Variants in PRDM16 observed in about 807,000 individuals in gnomAD.
The protein encoded by PRDM16 is histone-lysine N-methyltransferase PRDM16.
PRDM16 carries 23 observed loss-of-function variants against 110.6 expected under a neutral mutation model. That is an observed-to-expected ratio of 0.21 (90% CI 0.15 to 0.29). PRDM16 has a LOEUF of 0.29. Ranked by LOEUF, PRDM16 falls within the 10% of genes least tolerant of loss-of-function variation. The probability of loss-of-function intolerance (pLI) is 1.00; values close to 1 mark genes in which losing one functional copy is unlikely to be tolerated. For missense variants in PRDM16, 1,615 were observed against 1,794.3 expected (o/e 0.90, Z 1.81); for synonymous variants, 799 against 781.8 (o/e 1.02, Z -0.37).
chr1:3,376,546 G>A (rs1317769942), intron 3 of PRDM16, among the ~76,000 whole-genome samples: 4 of 152,124 alleles, frequency 2.6e-5, no homozygotes, highest in Admixed American at 6.5e-5. Context: ...ACAGTCAGGC[G>A]GGAGCTAAGA....
At chr1:3,159,716 TC>T (rs1375366329) in intron 1 of PRDM16, among the ~76,000 whole-genome samples, 7 of 152,166 alleles carry the variant, frequency 4.6e-5, no homozygotes, top group African/African-American at 1.7e-4. Context: ...GGTGGCCTGA[TC>T]CGGACACTGT....
chr1:3,216,780 G>A (rs868610142), intron 2 of PRDM16, among the ~76,000 whole-genome samples: 1 of 152,212 alleles, frequency 6.6e-6, no homozygotes, highest in Admixed American at 6.5e-5. Context: ...TGCAGAGGGC[G>A]GGGCTGTGGC....
intron 6 of PRDM16, among the ~76,000 whole-genome samples, chr1:3,403,500 A>G (rs6669407): frequency 0.57 from 86,709 of 152,152 alleles, 25,712 homozygotes; most frequent in South Asian, 0.69. Flanking sequence ...GGCAAGAGCC[A>G]GAAGGGGTCA....
In PRDM16 at chr1:3,397,079, G is replaced by A. The variant is rs12088994; in HGVS notation, c.676+486G>A. Among the ~76,000 whole-genome samples, 1,254 of 152,320 alleles carry A rather than the reference G, an allele frequency of 8.2e-3. 19 individuals carry two copies. The highest frequency in any genetic ancestry group is 0.028 in the African/African-American group (1,177 of 41,564). Reference sequence around the variant, plus strand: ...TGGCTGCCCCAGAGCTCTCTGTGGGGTGGGAAGATTTTGTTTCATTTAAGA... The same window carrying A: ...TGGCTGCCCCAGAGCTCTCTGTGGGATGGGAAGATTTTGTTTCATTTAAGA... On this transcript the variant is annotated intron_variant, in intron 5 of 16. Coordinates refer to ENST00000270722, the MANE Select transcript of PRDM16 (RefSeq NM_022114.4).
At chr1:3,084,894 G>A (rs922756250) in intron 1 of PRDM16, among the ~76,000 whole-genome samples, 1 of 152,246 alleles carries the variant, frequency 6.6e-6, no homozygotes, top group Non-Finnish European at 1.5e-5. Flanking sequence ...GGCTGGAGTT[G>A]CACAGCCTGT....
At position 3,256,577 on chromosome 1, in the gene PRDM16, G is replaced by A. The variant is rs550106408; in HGVS notation, c.438+12440G>A. Among the ~76,000 whole-genome samples, 19 of 152,254 alleles carry A rather than the reference G, an allele frequency of 1.2e-4. No homozygotes were observed. The South Asian group carries it at 2.5e-3, about 20-fold the overall frequency. Reference sequence around the variant, plus strand: ...CATTGCTCTAAAAAATAAAGTCTTCGGTCGGGCGTGGTGGCTCATGCCTGT... The same window carrying A: ...CATTGCTCTAAAAAATAAAGTCTTCAGTCGGGCGTGGTGGCTCATGCCTGT... On this transcript the variant is annotated intron_variant, in intron 3 of 16. Transcript: ENST00000270722.
chr1:3,278,904 G>A (rs1466529587), intron 3 of PRDM16, among the ~76,000 whole-genome samples: 3 of 152,238 alleles, frequency 2.0e-5, no homozygotes, highest in African/African-American at 7.2e-5. Flanking sequence ...AGCGAGCCGT[G>A]GCCTCTCCCA....
At chr1:3,235,535 C>T (rs550559579) in intron 2 of PRDM16, among the ~76,000 whole-genome samples, 1 of 152,294 alleles carries the variant, frequency 6.6e-6, no homozygotes, top group Admixed American at 6.5e-5. Context: ...TCCCGCTCGC[C>T]CCGCTGCCTG....
intron 1 of PRDM16, among the ~76,000 whole-genome samples, chr1:3,174,044 G>A (rs1372089154): frequency 6.6e-6 from 1 of 151,844 alleles, no homozygotes; most frequent in Non-Finnish European, 1.5e-5. Flanking sequence ...TGAAACAACC[G>A]AAGGGTGTGC....
chr1:3,356,135 G>A (rs896570936), intron 3 of PRDM16, among the ~76,000 whole-genome samples: 4 of 152,228 alleles, frequency 2.6e-5, no homozygotes, highest in East Asian at 1.9e-4. Context: ...CCACGAGGGC[G>A]TTAGCAGAAC....
intron 1 of PRDM16, among the ~76,000 whole-genome samples, chr1:3,088,896 C>T (rs1345338330): frequency 6.6e-6 from 1 of 152,084 alleles, no homozygotes; most frequent in Non-Finnish European, 1.5e-5. Flanking sequence ...GATTCTTCTG[C>T]CTCAGCCTCC....
chr1:3,357,601 C>T (rs1226761190), intron 3 of PRDM16, among the ~76,000 whole-genome samples: 2 of 152,236 alleles, frequency 1.3e-5, no homozygotes, highest in Non-Finnish European at 2.9e-5. Flanking sequence ...GAGGGGCAGC[C>T]GGCCCACAGG....
intron 5 of PRDM16, among the ~76,000 whole-genome samples, chr1:3,400,389 G>A (rs1643447607): frequency 6.6e-6 from 1 of 152,212 alleles, no homozygotes; most frequent in Non-Finnish European, 1.5e-5. Flanking sequence ...CATTTGCACA[G>A]TGGGCTCTCT....
At chr1:3,112,506 CG>C (rs1215183620) in intron 1 of PRDM16, among the ~76,000 whole-genome samples, 4 of 152,216 alleles carry the variant, frequency 2.6e-5, no homozygotes, top group Non-Finnish European at 5.9e-5. Context: ...TCTGTGTTCC[CG>C]GGCCGGCTTC....
chr1:3,378,281 G>T (rs992177915), intron 3 of PRDM16, among the ~76,000 whole-genome samples: 1 of 152,110 alleles, frequency 6.6e-6, no homozygotes, highest in African/African-American at 2.4e-5. Context: ...TTGGGCAGCC[G>T]GAGGGCCACC....
At chr1:3,326,710 C>A (rs1641919664) in intron 3 of PRDM16, among the ~76,000 whole-genome samples, 1 of 152,236 alleles carries the variant, frequency 6.6e-6, no homozygotes, top group Non-Finnish European at 1.5e-5. Flanking sequence ...GAAGCAGTGG[C>A]CACCACAGGC....
chr1:3,410,485 C>T (rs1643667550), intron 8 of PRDM16, among the ~76,000 whole-genome samples: 1 of 152,184 alleles, frequency 6.6e-6, no homozygotes, highest in African/African-American at 2.4e-5. Context: ...ACCTCCTATC[C>T]ATGTCCACCT....
intron 3 of PRDM16, among the ~76,000 whole-genome samples, chr1:3,315,145 C>T (rs115207409): frequency 0.016 from 2,424 of 151,062 alleles, 78 homozygotes; most frequent in African/African-American, 0.056. Flanking sequence ...CTCCTTTCTC[C>T]CCCGCTTCAC....
intron 6 of PRDM16, among the ~76,000 whole-genome samples, chr1:3,404,047 G>A (rs1345740053): frequency 1.3e-5 from 2 of 152,256 alleles, no homozygotes; most frequent in Admixed American, 1.3e-4. Context: ...AAAAGATACA[G>A]TCTCCTGATG....
Sources: allele counts gnomAD v4.1 joint callset (sites outside exome capture counted in the v4.1 genomes callset), GRCh38; gene constraint gnomAD v4.1.1; transcripts MANE v1.5; gene names NCBI Gene and HGNC (gene_info 2026-07-23, HGNC 2026-07-21).